The following NLGN4X variants were observed in gnomAD, a reference collection of about 807,000 sequenced individuals.
NLGN4X encodes the protein neuroligin-4, X-linked.
Under a neutral mutation model 40.3 loss-of-function variants are expected in NLGN4X, and 3 were observed. The observed-to-expected ratio is 0.07, with a 90% CI of 0.03 to 0.19. NLGN4X has a LOEUF of 0.19. NLGN4X is among the 10% of genes least tolerant of loss of function. The pLI, the probability that NLGN4X is intolerant of heterozygous loss-of-function variation, is 1.00. For missense variants in NLGN4X, 382 were observed against 708.3 expected, an observed-to-expected ratio of 0.54 and a Z score of 5.23; for synonymous variants, 270 against 306.8, an observed-to-expected ratio of 0.88 and a Z score of 1.25.
Position 6,013,083 on chromosome X carries a change from GA to G in NLGN4X, c.625+16196del, listed in dbSNP as rs201734328. Among the ~76,000 whole-genome samples, 6 of 109,655 alleles carry G rather than the reference GA, an allele frequency of 5.5e-5. 1 individual carries two copies. Among genetic ancestry groups the G allele is most frequent in the South Asian group, 7.7e-4 (2 of 2,596 alleles). On this transcript the variant is annotated intron_variant, in intron 3 of 5. Transcript: ENST00000381095. The stretch of plus-strand genomic sequence containing the variant: ...TAAAATACCCATGGAAAGACCTAAA[GA>G]AAAAAAAATTCTACCGTAGAGCTCT...
intron 1 of NLGN4X, among the ~76,000 whole-genome samples, chrX:6,178,308 C>T (rs767100209): frequency 8.1e-5 from 9 of 111,637 alleles, no homozygotes; most frequent in Non-Finnish European, 1.5e-4. Context: ...TAATTAAATG[C>T]CATCGTGTTC....
intron 2 of NLGN4X, among the ~76,000 whole-genome samples, chrX:6,036,006 G>A (rs2036993359): frequency 9.0e-6 from 1 of 111,506 alleles, no homozygotes; most frequent in Non-Finnish European, 1.9e-5. Context: ...AAGTGTTGGG[G>A]GGGTAAAAAG....
At chrX:6,162,242 C>A (rs1368016029) in intron 1 of NLGN4X, among the ~76,000 whole-genome samples, 1 of 112,128 alleles carries the variant, frequency 8.9e-6, no homozygotes, top group African/African-American at 3.2e-5. Context: ...CACTTTAACT[C>A]CATCAGCAAC....
chrX:5,928,102 G>C lies in NLGN4X; in HGVS notation c.626-18863C>G, dbSNP rs765422197. ...ATCACTGCCTGCCAGTTATTCCTCT[G>C]CGTCTAAACTTTTCAGAATGCCCAG... On this transcript the variant is annotated intron_variant, in intron 3 of 5. Coordinates refer to ENST00000381095, the MANE Select transcript of NLGN4X (RefSeq NM_181332.3). Among the ~76,000 whole-genome samples the C allele has an allele frequency of 2.2e-3, 241 of 111,958 alleles. 2 individuals are homozygous for C. The highest frequency in any genetic ancestry group is 7.6e-3 in the African/African-American group (234 of 30,819).
At chrX:6,192,205 A>G (rs1922604346) in intron 1 of NLGN4X, among the ~76,000 whole-genome samples, 1 of 111,051 alleles carries the variant, frequency 9.0e-6, no homozygotes, top group African/African-American at 3.3e-5. Flanking sequence ...TCACAGCTAC[A>G]CAGCCTCAAA....
chrX:6,080,475 A>T (rs2038320030), intron 2 of NLGN4X, among the ~76,000 whole-genome samples: 1 of 111,992 alleles, frequency 8.9e-6, no homozygotes, highest in African/African-American at 3.2e-5. Context: ...GGAGTCCATG[A>T]CTGTCAGTTG....
intron 4 of NLGN4X, among the ~76,000 whole-genome samples, chrX:5,906,043 A>C (rs2032155782): frequency 8.9e-6 from 1 of 111,816 alleles, no homozygotes; most frequent in Admixed American, 9.5e-5. Context: ...AAGTATAATA[A>C]TTTCCAACCT....
At chrX:5,969,173 G>C (rs937501650) in intron 3 of NLGN4X, among the ~76,000 whole-genome samples, 3 of 110,352 alleles carry the variant, frequency 2.7e-5, no homozygotes, top group Non-Finnish European at 5.7e-5. Context: ...ATTGACAAAT[G>C]GGATCTAATT....
At chrX:5,913,933 T>C (rs779621710) in intron 3 of NLGN4X, among the ~76,000 whole-genome samples, 2 of 112,054 alleles carry the variant, frequency 1.8e-5, no homozygotes, top group South Asian at 7.5e-4. Context: ...CCTGGACACA[T>C]TCTCTTGCCT....
intron 1 of NLGN4X, among the ~76,000 whole-genome samples, chrX:6,155,810 T>A (rs754058063): frequency 2.3e-4 from 26 of 112,521 alleles, no homozygotes; most frequent in African/African-American, 7.7e-4. Context: ...CCACCATTTT[T>A]CACCAGAGAA....
In NLGN4X at chrX:5,899,300, C is replaced by T. The variant is rs370761775; in HGVS notation, c.1601+3777G>A. Among the ~76,000 whole-genome samples, 9 of 111,866 alleles carry T rather than the reference C, an allele frequency of 8.0e-5. No individual in the cohort carries two copies. The East Asian group carries it at 1.1e-3, about 14-fold the overall frequency. On this transcript the variant is annotated intron_variant, in intron 5 of 5. Transcript: ENST00000381095. Reference sequence around the variant, plus strand: ...GGACTGACATTCGAGCTCTGGGTACCTCAATGAACTCTCTCTACCTGCAGC... The same window carrying T: ...GGACTGACATTCGAGCTCTGGGTACTTCAATGAACTCTCTCTACCTGCAGC...
chrX:5,986,002 T>C (rs185674781), intron 3 of NLGN4X, among the ~76,000 whole-genome samples: 5 of 111,840 alleles, frequency 4.5e-5, no homozygotes, highest in Non-Finnish European at 7.5e-5. Context: ...AAACTAAATT[T>C]TGGAAAAATA....
intron 3 of NLGN4X, among the ~76,000 whole-genome samples, chrX:6,014,524 T>C (rs6639571): frequency 0.42 from 46,495 of 110,298 alleles, 7,119 homozygotes; most frequent in East Asian, 0.77. Context: ...GAAACAAATA[T>C]AGATACCAAG....
intron 1 of NLGN4X, among the ~76,000 whole-genome samples, chrX:6,169,714 T>C (rs939713936): frequency 1.8e-5 from 2 of 112,229 alleles, no homozygotes; most frequent in Non-Finnish European, 3.8e-5. Context: ...ACAGGAGGAA[T>C]TGGAACAATT....
chrX:5,911,775 T>C (rs890014201), intron 3 of NLGN4X, among the ~76,000 whole-genome samples: 1 of 112,350 alleles, frequency 8.9e-6, no homozygotes, highest in African/African-American at 3.2e-5. Context: ...CAGACAATTA[T>C]GACAGTGAAA....
intron 2 of NLGN4X, among the ~76,000 whole-genome samples, chrX:6,092,728 T>C (rs148666556): frequency 0.011 from 1,176 of 111,283 alleles, 13 homozygotes; most frequent in African/African-American, 0.036. Flanking sequence ...AATGACCACA[T>C]AGAAATGAAA....
chrX:6,130,161 TACAGGC>T (rs2039649983), intron 2 of NLGN4X, among the ~76,000 whole-genome samples: 1 of 112,112 alleles, frequency 8.9e-6, no homozygotes, highest in Non-Finnish European at 1.9e-5. Flanking sequence ...ACACTGGGAT[TACAGGC>T]ATCAGCCACG....
chrX:5,921,088 T>C (rs2146815087), intron 3 of NLGN4X, among the ~76,000 whole-genome samples: 1 of 105,992 alleles, frequency 9.4e-6, no homozygotes, highest in East Asian at 3.0e-4. Flanking sequence ...TGCTTTTGTA[T>C]AGAAAAAAGG....
At chrX:5,962,937 AC>A (rs1205293066) in intron 3 of NLGN4X, among the ~76,000 whole-genome samples, 1 of 35,406 alleles carries the variant, frequency 2.8e-5, no homozygotes, top group African/African-American at 1.0e-4. Context: ...ACCCCCCCCC[AC>A]CCCCACCCCC....
Sources: gnomAD v4.1 joint callset for allele counts (sites outside exome capture counted in the v4.1 genomes callset) on GRCh38, gnomAD v4.1.1 for gene constraint, MANE v1.5 for transcripts, NCBI Gene and HGNC (gene_info 2026-07-23, HGNC 2026-07-21) for gene names.